Variants in EXOC4 observed in about 807,000 individuals in gnomAD.
The protein encoded by EXOC4 is exocyst complex component 4.
Under a neutral mutation model 107.2 loss-of-function variants are expected in EXOC4, and 71 were observed. The observed-to-expected ratio is 0.66, with a 90% CI of 0.55 to 0.81. The LOEUF (loss-of-function observed/expected upper bound fraction) is 0.81, where lower values mean the gene tolerates loss of function less well. Among genes scored for constraint, EXOC4 ranks in the 30% least tolerant of loss-of-function variants. The pLI, the probability that EXOC4 is intolerant of heterozygous loss-of-function variation, is 0.00. For missense variants in EXOC4, 1,108 were observed against 1,189.6 expected, an observed-to-expected ratio of 0.93 and a Z score of 1.01; for synonymous variants, 456 against 441.2, an observed-to-expected ratio of 1.03 and a Z score of -0.42.
rs118128338 is a variant in EXOC4 at position 133,637,079 on chromosome 7, G to T, written c.1514+6938G>T. ...AGCTTTGAAATGCCTATGATTAAGA[G>T]ATGCTTAAAGTTAGGAGGACAGGAA... On this transcript the variant is annotated intron_variant, in intron 10 of 17. Transcript: ENST00000253861. 1.3e-4 allele frequency among the ~76,000 whole-genome samples: 20 copies of T among 152,308 alleles called. No homozygotes were observed. The East Asian group carries it at 3.9e-3, about 29-fold the overall frequency.
In EXOC4 at chr7:133,814,128, C is replaced by T. The variant is rs542332861; in HGVS notation, c.1515-3197C>T. ...ATAATTCAAAAGTCTAATTTCTACTCCTCTCCCAGACCTGACCCCCACCCC... is the reference window on the plus strand; with the variant it reads ...ATAATTCAAAAGTCTAATTTCTACTTCTCTCCCAGACCTGACCCCCACCCC... On this transcript the variant is annotated intron_variant, in intron 10 of 17. Coordinates refer to ENST00000253861, the MANE Select transcript of EXOC4 (RefSeq NM_021807.4). Among the ~76,000 whole-genome samples, 171 of 152,240 alleles carry T rather than the reference C, an allele frequency of 1.1e-3. 1 individual carries two copies. Among genetic ancestry groups the T allele is most frequent in the Non-Finnish European group, 1.8e-3 (125 of 68,014 alleles).
chr7:133,970,008 T>A (rs944257316), intron 14 of EXOC4, among the ~76,000 whole-genome samples: 1 of 152,220 alleles, frequency 6.6e-6, no homozygotes, highest in African/African-American at 2.4e-5. Flanking sequence ...AGCCCCTGAC[T>A]GGGGCTGCTG....
At chr7:133,479,829 A>T in intron 8 of EXOC4, 1 of 538,402 alleles carries the variant, frequency 1.9e-6, no homozygotes, top group South Asian at 2.6e-5. Flanking sequence ...TAAGCAAAAG[A>T]TCCAAATACG....
At chr7:133,975,257 A>G (rs747714235) in intron 14 of EXOC4, among the ~76,000 whole-genome samples, 3 of 152,160 alleles carry the variant, frequency 2.0e-5, no homozygotes, top group Non-Finnish European at 4.4e-5. Flanking sequence ...TTCTTGACAT[A>G]AATGATGACA....
chr7:133,626,248 A>G (rs1230312597), intron 9 of EXOC4, among the ~76,000 whole-genome samples: 1 of 151,960 alleles, frequency 6.6e-6, no homozygotes. Flanking sequence ...AGGTTATTTG[A>G]TCATGAGAAG....
rs1176879319 is a variant in EXOC4, at chr7:133,475,518, T to TG, written c.1328+46dup. On this transcript the variant is annotated intron_variant, in intron 8 of 17. Coordinates refer to ENST00000253861, the MANE Select transcript of EXOC4 (RefSeq NM_021807.4). ...TAATAGGTTTTAAGAATTGTTAGAC[T>TG]GAAGTAAGATGACTTCCTACTTTAT... The TG allele has an allele frequency of 2.6e-6, 4 of 1,537,862 alleles. No homozygotes were observed. The South Asian group carries it at 3.4e-5, about 13-fold the overall frequency.
intron 11 of EXOC4, among the ~76,000 whole-genome samples, chr7:133,830,029 C>T (rs894302060): frequency 6.6e-6 from 1 of 152,072 alleles, no homozygotes; most frequent in Non-Finnish European, 1.5e-5. Flanking sequence ...GATGGATGGT[C>T]ATATCTGTAG....
At chr7:133,907,767 A>C (rs1019573369) in intron 12 of EXOC4, among the ~76,000 whole-genome samples, 10 of 151,698 alleles carry the variant, frequency 6.6e-5, no homozygotes. Context: ...TGAACCTGGG[A>C]GGCAGAGGTT....
At chr7:133,435,740 GT>G in intron 7 of EXOC4, among the ~76,000 whole-genome samples, 1 of 151,904 alleles carries the variant, frequency 6.6e-6, no homozygotes. Context: ...TGTTACTTAA[GT>G]TTTAGCTATT....
intron 7 of EXOC4, among the ~76,000 whole-genome samples, chr7:133,380,720 A>G (rs1348847714): frequency 6.6e-6 from 1 of 152,210 alleles, no homozygotes; most frequent in Non-Finnish European, 1.5e-5. Flanking sequence ...TATCTCTCAG[A>G]AACTTGTAGT....
intron 11 of EXOC4, among the ~76,000 whole-genome samples, chr7:133,872,484 A>G (rs529647992): frequency 1.2e-4 from 18 of 152,336 alleles, no homozygotes; most frequent in South Asian, 4.1e-4. Context: ...GGAAATCTCT[A>G]GTGGTCTAGG....
intron 11 of EXOC4, among the ~76,000 whole-genome samples, chr7:133,848,057 T>C (rs1798168994): frequency 6.6e-6 from 1 of 151,862 alleles, no homozygotes; most frequent in Non-Finnish European, 1.5e-5. Flanking sequence ...TCCTCACAGC[T>C]ATCCCAGAAT....
chr7:133,519,211 T>C (rs1390482091), intron 9 of EXOC4, among the ~76,000 whole-genome samples: 1 of 152,054 alleles, frequency 6.6e-6, no homozygotes, highest in East Asian at 1.9e-4. Flanking sequence ...TTCCAGGAGT[T>C]TGAGACCAGC....
chr7:133,425,838 T>A (rs1474503111), intron 7 of EXOC4, among the ~76,000 whole-genome samples: 2 of 152,218 alleles, frequency 1.3e-5, no homozygotes, highest in East Asian at 3.8e-4. Context: ...GGTCTTTAGA[T>A]AAACTCAACC....
chr7:133,764,666 G>A (rs1447987857), intron 10 of EXOC4, among the ~76,000 whole-genome samples: 1 of 151,972 alleles, frequency 6.6e-6, no homozygotes, highest in East Asian at 1.9e-4. Flanking sequence ...TTCTTTTTAG[G>A]TAATATTTGA....
intron 10 of EXOC4, among the ~76,000 whole-genome samples, chr7:133,751,023 T>C (rs976728106): frequency 2.0e-5 from 3 of 152,194 alleles, no homozygotes; most frequent in African/African-American, 7.2e-5. Flanking sequence ...AGAAGGACCA[T>C]TTTGGAAGAA....
Position 133,603,925 on chromosome 7 carries a change from T to G in EXOC4, c.1418-26120T>G, listed in dbSNP as rs572883598. 2.1e-3 allele frequency among the ~76,000 whole-genome samples: 314 copies of G among 152,304 alleles called. 4 individuals carry two copies. Among genetic ancestry groups the G allele is most frequent in the African/African-American group, 7.3e-3 (302 of 41,582 alleles). On this transcript the variant is annotated intron_variant, in intron 9 of 17. Coordinates refer to ENST00000253861, the MANE Select transcript of EXOC4 (RefSeq NM_021807.4). ...TTTTTACTCTTGTAATAACACAGCT[T>G]AAAACACAAACACAGTGTACAGCTG...
intron 5 of EXOC4, among the ~76,000 whole-genome samples, chr7:133,353,286 G>A (rs1157499625): frequency 6.6e-6 from 1 of 152,032 alleles, no homozygotes; most frequent in Non-Finnish European, 1.5e-5. Flanking sequence ...TAACGTGCAG[G>A]ACTTTATAAA....
chr7:133,922,459 G>A (rs1329559727), intron 13 of EXOC4, among the ~76,000 whole-genome samples: 1 of 152,010 alleles, frequency 6.6e-6, no homozygotes, highest in Non-Finnish European at 1.5e-5. Context: ...TCCACATTAT[G>A]TGAGCAAGAT....
Sources: gnomAD v4.1 joint callset for allele counts (sites outside exome capture counted in the v4.1 genomes callset) on GRCh38, gnomAD v4.1.1 for gene constraint, MANE v1.5 for transcripts, NCBI Gene and HGNC (gene_info 2026-07-23, HGNC 2026-07-21) for gene names.